MAN2B2: variants seen among roughly 807,000 people sequenced by gnomAD.
The protein encoded by MAN2B2 is epididymis-specific alpha-mannosidase.
A neutral mutation model predicts 117.1 loss-of-function variants in MAN2B2; 106 were observed. The ratio of observed to expected loss-of-function variants is 0.90; its 90% CI spans 0.77 to 1.06. The LOEUF is 1.06. Among genes scored for constraint, MAN2B2 ranks in the 50% least tolerant of loss-of-function variants. The pLI is 0.00. For missense variants in MAN2B2, 1,326 were observed against 1,381.4 expected, an observed-to-expected ratio of 0.96 and a Z score of 0.64; for synonymous variants, 544 against 595.1, an observed-to-expected ratio of 0.91 and a Z score of 1.25.
chr4:6,590,094 G>A (rs976915173), intron 5 of MAN2B2, among the ~76,000 whole-genome samples: 19 of 151,128 alleles, frequency 1.3e-4, no homozygotes, highest in African/African-American at 2.2e-4. Flanking sequence ...AAAATAGGCC[G>A]GGCACAGTAG....
chr4:6,594,102 TC>T (rs1300978111), intron 6 of MAN2B2, among the ~76,000 whole-genome samples: 1 of 152,016 alleles, frequency 6.6e-6, no homozygotes, highest in African/African-American at 2.4e-5. Flanking sequence ...TAATTAATAA[TC>T]ATTAATTATA....
In MAN2B2 at chr4:6,614,036, G is replaced by A. The variant is rs1000744826; in HGVS notation, c.2564-182G>A. On this transcript the variant is annotated intron_variant, in intron 15 of 18. Transcript: ENST00000285599. ...AGCTCTATGGTCTGAGCAAAGGCAG[G>A]GAAGTGGAGGCCTGGGGCATTGGGA... 5.3e-5 allele frequency among the ~76,000 whole-genome samples: 8 copies of A among 152,302 alleles called. No homozygotes were observed. In the East Asian group the frequency reaches 1.4e-3, roughly 26 times the overall value.
chr4:6,618,928 T>C (rs1016353686), intron 17 of MAN2B2: 19 of 152,238 alleles, frequency 1.2e-4, no homozygotes, highest in African/African-American at 4.1e-4. Context: ...GTCTAGGCCA[T>C]GGCGGGTACC....
intron 10 of MAN2B2, among the ~76,000 whole-genome samples, chr4:6,604,610 GAGC>G (rs1488035126): frequency 6.6e-6 from 1 of 152,036 alleles, no homozygotes; most frequent in African/African-American, 2.4e-5. Flanking sequence ...ATGCTGCAGG[GAGC>G]AGATTTGGGT....
At chr4:6,580,758 A>T (rs1399033649) in intron 3 of MAN2B2, among the ~76,000 whole-genome samples, 1 of 152,176 alleles carries the variant, frequency 6.6e-6, no homozygotes, top group African/African-American at 2.4e-5. Context: ...CTTACTGGGC[A>T]AGGCTGGGCA....
At chr4:6,605,854 T>C (rs1276189396) in intron 11 of MAN2B2, among the ~76,000 whole-genome samples, 1 of 151,942 alleles carries the variant, frequency 6.6e-6, no homozygotes, top group African/African-American at 2.4e-5. Context: ...CATCCATCCA[T>C]CTACCCACCC....
At chr4:6,587,295 C>A (rs987521298) in intron 4 of MAN2B2, 127 bp downstream of exon 4, 2 of 1,161,654 alleles carry the variant, frequency 1.7e-6, no homozygotes, top group Non-Finnish European at 1.2e-6. Flanking sequence ...CTGCATAGAC[C>A]GCGGGGCTGT....
chr4:6,588,039 G>A (rs1337127040), intron 4 of MAN2B2, among the ~76,000 whole-genome samples: 1 of 152,068 alleles, frequency 6.6e-6, no homozygotes, highest in African/African-American at 2.4e-5. Context: ...TATTACAGGC[G>A]GGAGCCACTG....
At chr4:6,611,577 T>G (rs998914292) in intron 15 of MAN2B2, among the ~76,000 whole-genome samples, 1 of 152,242 alleles carries the variant, frequency 6.6e-6, no homozygotes, top group Non-Finnish European at 1.5e-5. Flanking sequence ...TTTCTTAATA[T>G]GACATTATGT....
chr4:6,607,839 G>A (rs565129232), intron 11 of MAN2B2, among the ~76,000 whole-genome samples: 1 of 152,310 alleles, frequency 6.6e-6, no homozygotes, highest in African/African-American at 2.4e-5. Flanking sequence ...ACCATTTTCT[G>A]TTCCTCCCAG....
At chr4:6,605,638 G>A (rs1727515305) in intron 11 of MAN2B2, among the ~76,000 whole-genome samples, 1 of 151,942 alleles carries the variant, frequency 6.6e-6, no homozygotes, top group Non-Finnish European at 1.5e-5. Context: ...TCTCTATTCA[G>A]TAAATAGTGT....
chr4:6,621,037 G>T, intron 18 of MAN2B2, 151 bp from the exon 19 acceptor site: 1 of 601,810 alleles, frequency 1.7e-6, no homozygotes, highest in East Asian at 2.9e-5. Flanking sequence ...GTGAGAAGGA[G>T]GCTGGGAGCC....
At chr4:6,575,509 C>T (rs2108854135) in intron 1 of MAN2B2, among the ~76,000 whole-genome samples, 161 bp downstream of exon 1, 1 of 152,364 alleles carries the variant, frequency 6.6e-6, no homozygotes, top group Non-Finnish European at 1.5e-5. Context: ...TCGCTAACTT[C>T]GGGCCAGTCA....
At chr4:6,604,024 GAA>G (rs1429311872) in intron 10 of MAN2B2, among the ~76,000 whole-genome samples, 1 of 152,218 alleles carries the variant, frequency 6.6e-6, no homozygotes, top group Non-Finnish European at 1.5e-5. Context: ...GGTTAACCTG[GAA>G]AAGTCCGTCC....
intron 14 of MAN2B2, 24 bp downstream of exon 14, chr4:6,611,014 A>C: frequency 6.2e-7 from 1 of 1,613,630 alleles, no homozygotes; most frequent in Non-Finnish European, 8.5e-7. Flanking sequence ...TCTGTCCTAC[A>C]GCAGCCCCTC....
Position 6,587,080 on chromosome 4 carries a change from C to T in MAN2B2, c.476C>T (p.Thr159Met), listed in dbSNP as rs553296276. The change falls in exon 4 of 19, where the codon ACG becomes ATG. Residue 159 changes from threonine (T) to methionine (M), a missense_variant. By Grantham distance (81) the Thr-to-Met change is moderately conservative. Transcript: ENST00000285599. ...HVDPFGASAT[T>M]PTLFALAGFN... Reference sequence around the variant, plus strand: ...GACCCGTTTGGCGCCTCTGCCACGACGCCCACCCTATTTGCGCTGGCGGGC... The same window carrying T: ...GACCCGTTTGGCGCCTCTGCCACGATGCCCACCCTATTTGCGCTGGCGGGC... 21 of 1,613,948 alleles carry T rather than the reference C, an allele frequency of 1.3e-5. No individual in the cohort carries two copies. The highest frequency in any genetic ancestry group is 4.4e-5 in the South Asian group (4 of 91,088).
chr4:6,589,259 G>T (rs533177194), intron 5 of MAN2B2, 99 bp downstream of exon 5: 1 of 922,424 alleles, frequency 1.1e-6, no homozygotes, highest in African/African-American at 1.6e-5. Context: ...TTGGTTTTAA[G>T]ACAAGAGCTT....
At position 6,576,502 on chromosome 4, in the gene MAN2B2, C is replaced by A. The variant is rs1183410960; in HGVS notation, c.139-76C>A. ...GAGCCCCCAACCCCATGCAGACACACCTGGCGAATGGCAGGGGCCCCAGGG... is the reference window on the plus strand; with the variant it reads ...GAGCCCCCAACCCCATGCAGACACAACTGGCGAATGGCAGGGGCCCCAGGG... On this transcript the variant is annotated intron_variant, in intron 1 of 18. Coordinates refer to ENST00000285599, the MANE Select transcript of MAN2B2 (RefSeq NM_015274.3). The A allele has an allele frequency of 5.1e-5, 80 of 1,559,418 alleles. No individual in the cohort carries two copies. The South Asian group carries it at 7.4e-4, about 14-fold the overall frequency.
At chr4:6,579,577 A>G (rs1726348584) in intron 3 of MAN2B2, among the ~76,000 whole-genome samples, 1 of 149,564 alleles carries the variant, frequency 6.7e-6, no homozygotes, top group Non-Finnish European at 1.5e-5. Flanking sequence ...TACCACTACC[A>G]TCACCACCAT....
Sources: gnomAD v4.1 joint callset for allele counts (sites outside exome capture counted in the v4.1 genomes callset) on GRCh38, gnomAD v4.1.1 for gene constraint, MANE v1.5 for transcripts, NCBI Gene and HGNC (gene_info 2026-07-23, HGNC 2026-07-21) for gene names.